The following PRKAG2 variants were observed in gnomAD, a reference collection of about 807,000 sequenced individuals.
The protein encoded by PRKAG2 is protein kinase AMP-activated non-catalytic subunit gamma 2.
PRKAG2 carries 26 observed loss-of-function variants against 69.6 expected under a neutral mutation model. The observed-to-expected ratio is 0.37, with a 90% confidence interval of 0.27 to 0.52. PRKAG2 has a LOEUF of 0.52. Ranked by LOEUF, PRKAG2 falls within the 20% of genes least tolerant of loss-of-function variation. PRKAG2 has a pLI of 0.90. For synonymous variants in PRKAG2, 293 were observed against 285.0 expected (o/e 1.03, Z -0.28); for missense variants, 557 against 740.0 (o/e 0.75, Z 2.87).
intron 15 of PRKAG2, chr7:151,557,923 T>G: frequency 2.0e-6 from 2 of 983,586 alleles, no homozygotes; most frequent in Non-Finnish European, 2.4e-6. Flanking sequence ...TTATAAATAT[T>G]CTGAAGGATA....
intron 3 of PRKAG2, among the ~76,000 whole-genome samples, chr7:151,682,361 C>A (rs755625617): frequency 1.1e-4 from 17 of 152,148 alleles, no homozygotes; most frequent in Admixed American, 3.9e-4. Context: ...CCACCTCAGT[C>A]TCCTGAGTAG....
intron 5 of PRKAG2, among the ~76,000 whole-genome samples, chr7:151,606,700 A>C (rs1047200181): frequency 1.3e-5 from 2 of 152,042 alleles, no homozygotes; most frequent in Non-Finnish European, 1.5e-5. Context: ...TGTGCCTGTA[A>C]TCCCAGCTAC....
In PRKAG2 at chr7:151,850,801, T is replaced by A. The variant is rs1477294529; in HGVS notation, c.114+25706A>T. 6.6e-6 allele frequency among the ~76,000 whole-genome samples: 1 copy of A among 152,232 alleles called. No homozygotes were observed. Among genetic ancestry groups the A allele is most frequent in the Admixed American group, 6.5e-5 (1 of 15,288 alleles). ...ATCAGTTCAGCTCAGTGAGTTTTAA[T>A]TCAGTGTCTACTTTGATGCTGAAGA... is the stretch of plus-strand genomic sequence containing the variant. On this transcript the variant is annotated intron_variant, in intron 1 of 15. Transcript: ENST00000287878. This position sits in a 1 kb window ranked among gnomAD's most constrained non-coding sequence, Gnocchi z 4.1.
At chr7:151,568,931 T>C in intron 10 of PRKAG2, 89 bp from the exon 11 acceptor site, 2 of 1,405,682 alleles carry the variant, frequency 1.4e-6, no homozygotes, top group Non-Finnish European at 1.0e-6. Flanking sequence ...ACTTCCAGTG[T>C]TTTTATTATT....
At chr7:151,862,967 G>T (rs2079970671) in intron 1 of PRKAG2, among the ~76,000 whole-genome samples, 2 of 151,132 alleles carry the variant, frequency 1.3e-5, no homozygotes, top group Non-Finnish European at 3.0e-5. Flanking sequence ...AGATCTCCGG[G>T]TGCAGGGGGC....
At chr7:151,775,811 C>CGGGGCT (rs2076314085) in intron 3 of PRKAG2, among the ~76,000 whole-genome samples, 1 of 152,140 alleles carries the variant, frequency 6.6e-6, no homozygotes, top group Admixed American at 6.5e-5. Context: ...GTGGCTTTCA[C>CGGGGCT]GGGGCTGTTT....
chr7:151,697,961 C>G (rs1836976389), intron 3 of PRKAG2, among the ~76,000 whole-genome samples: 2 of 152,194 alleles, frequency 1.3e-5, no homozygotes, highest in Admixed American at 6.5e-5. Context: ...TGGGTGCATT[C>G]AGGGGACACG....
At chr7:151,706,861 A>C (rs1838719286) in intron 3 of PRKAG2, among the ~76,000 whole-genome samples, 1 of 152,164 alleles carries the variant, frequency 6.6e-6, no homozygotes, top group Non-Finnish European at 1.5e-5. Context: ...GCCCAATTGG[A>C]GCCACCTGGC....
chr7:151,623,856 A>C (rs185220193), intron 5 of PRKAG2, among the ~76,000 whole-genome samples: 7 of 152,288 alleles, frequency 4.6e-5, no homozygotes, highest in Admixed American at 2.0e-4. Flanking sequence ...AGTCAACGTG[A>C]AGACTGAGAG....
rs1166758131 is a variant in PRKAG2 at position 151,844,854 on chromosome 7, C to T, written c.114+31653G>A. The stretch of plus-strand genomic sequence containing the variant: ...ATGAATAAATCGGTATCATTCCATG[C>T]AATTGTTGTCACATACATATATTCC... On this transcript the variant is annotated intron_variant, in intron 1 of 15. Transcript: ENST00000287878. Among the ~76,000 whole-genome samples, 3 of 152,094 alleles carry T rather than the reference C, an allele frequency of 2.0e-5. No individual in the cohort carries two copies. In the East Asian group the frequency reaches 5.8e-4, roughly 29 times the overall value.
chr7:151,715,815 G>A (rs76056009), intron 3 of PRKAG2, among the ~76,000 whole-genome samples: 7,081 of 152,126 alleles, frequency 0.047, 420 homozygotes, highest in African/African-American at 0.14. Flanking sequence ...TGCTCAAGGC[G>A]AAAGGCAAAG....
chr7:151,770,947 T>C (rs1211577015), intron 3 of PRKAG2, among the ~76,000 whole-genome samples: 1 of 152,196 alleles, frequency 6.6e-6, no homozygotes, highest in African/African-American at 2.4e-5. Context: ...TTGACCATTT[T>C]CCAGTGCAAC....
intron 3 of PRKAG2, among the ~76,000 whole-genome samples, chr7:151,773,205 A>AGAAAGGAAAGAAAGGAAGGAAAGAAAG (rs2076171161): frequency 6.6e-6 from 1 of 150,752 alleles, no homozygotes; most frequent in Admixed American, 6.6e-5. Flanking sequence ...AAGGAAAGAA[A>AGAAAGGAAAGAAAGGAAGGAAAGAAAG]GAAAGGAAAG....
chr7:151,673,434 C>T (rs1195007773), intron 4 of PRKAG2, among the ~76,000 whole-genome samples: 2 of 152,146 alleles, frequency 1.3e-5, no homozygotes, highest in Admixed American at 6.5e-5. Flanking sequence ...GTTTCTCCCT[C>T]CTGTAGGGCC....
At position 151,766,072 on chromosome 7, in the gene PRKAG2, A is replaced by T. The variant is rs2075717546; in HGVS notation, c.466+15080T>A. ...GAACTGTAATAAACAGCAATTTCAGACTCAATTCATCTCCTTTATCTGTGA... is the reference window on the plus strand; with the variant it reads ...GAACTGTAATAAACAGCAATTTCAGTCTCAATTCATCTCCTTTATCTGTGA... On this transcript the variant is annotated intron_variant, in intron 3 of 15. Transcript: ENST00000287878. 2.0e-5 allele frequency among the ~76,000 whole-genome samples: 3 copies of T among 152,158 alleles called. No individual in the cohort carries two copies. In the South Asian group the frequency reaches 6.2e-4, roughly 32 times the overall value.
At chr7:151,753,514 T>C (rs1031751321) in intron 3 of PRKAG2, among the ~76,000 whole-genome samples, 2 of 152,156 alleles carry the variant, frequency 1.3e-5, no homozygotes, top group Non-Finnish European at 2.9e-5. Flanking sequence ...GTGAAAAGGA[T>C]ATGAGAACTC....
At chr7:151,792,823 G>C (rs1404638562) in intron 1 of PRKAG2, among the ~76,000 whole-genome samples, 1 of 152,198 alleles carries the variant, frequency 6.6e-6, no homozygotes, top group Non-Finnish European at 1.5e-5. Context: ...CCCCAGCACA[G>C]AGAGCACCAT....
chr7:151,642,188 A>C (rs2151371994), intron 4 of PRKAG2, among the ~76,000 whole-genome samples: 2 of 152,026 alleles, frequency 1.3e-5, no homozygotes, highest in African/African-American at 4.8e-5. Context: ...ACAGAAAAAA[A>C]AAAAATTAGC....
At chr7:151,732,005 CTA>C (rs1023855889) in intron 3 of PRKAG2, among the ~76,000 whole-genome samples, 3 of 152,044 alleles carry the variant, frequency 2.0e-5, no homozygotes, top group Non-Finnish European at 2.9e-5. Context: ...ACCCAACTAA[CTA>C]TTTTTTGTAG....
Sources: gnomAD v4.1 joint callset for allele counts (sites outside exome capture counted in the v4.1 genomes callset) on GRCh38, gnomAD v4.1.1 for gene constraint, Gnocchi (gnomAD v3.1) non-coding constraint, MANE v1.5 for transcripts, NCBI Gene and HGNC (gene_info 2026-07-23, HGNC 2026-07-21) for gene names.